PPARGC1A: variants seen among roughly 807,000 people sequenced by gnomAD.
PPARGC1A encodes the protein peroxisome proliferator-activated receptor gamma coactivator 1-alpha.
PPARGC1A carries 25 observed loss-of-function variants against 88.7 expected under a neutral mutation model. The observed-to-expected ratio is 0.28, with a 90% CI of 0.21 to 0.39. The LOEUF is 0.39. Among genes scored for constraint, PPARGC1A ranks in the 10% least tolerant of loss-of-function variants. PPARGC1A has a pLI of 1.00. For synonymous variants in PPARGC1A, 363 were observed against 355.6 expected (o/e 1.02, Z -0.24); for missense variants, 880 against 968.7 (o/e 0.91, Z 1.22).
the PPARGC1A span, among the ~76,000 whole-genome samples, chr4:24,431,928 C>A: frequency 7.2e-5 from 11 of 152,124 alleles, no homozygotes. Flanking sequence ...GAAAATAGGT[C>A]ATTAGATTTG....
chr4:24,265,723 C>T, the PPARGC1A span, among the ~76,000 whole-genome samples: 1,952 of 152,014 alleles, frequency 0.013, 42 homozygotes, highest in East Asian at 0.12. Context: ...ATACTAGATA[C>T]ACTGGAAGTG....
the PPARGC1A span, among the ~76,000 whole-genome samples, chr4:23,927,698 C>T: frequency 6.6e-6 from 1 of 152,188 alleles, no homozygotes; most frequent in African/African-American, 2.4e-5. Context: ...ACCATCTACA[C>T]AAACTAAGGC....
the PPARGC1A span, among the ~76,000 whole-genome samples, chr4:24,230,931 G>T: frequency 1.5e-5 from 2 of 135,202 alleles, no homozygotes; most frequent in African/African-American, 5.4e-5. Context: ...TAAGGAAACA[G>T]ACAGATCACA....
the PPARGC1A span, among the ~76,000 whole-genome samples, chr4:24,202,898 A>T: frequency 6.6e-6 from 1 of 152,166 alleles, no homozygotes; most frequent in African/African-American, 2.4e-5. Context: ...CCCAGGACAA[A>T]CAAGCTTTAA....
chr4:24,112,431 G>C, the PPARGC1A span, among the ~76,000 whole-genome samples: 2 of 152,086 alleles, frequency 1.3e-5, no homozygotes, highest in Admixed American at 1.3e-4. Context: ...AAAATGTGAA[G>C]CAGGCTGAAT....
At chr4:23,812,051 G>A (rs1191879863) in intron 10 of PPARGC1A, among the ~76,000 whole-genome samples, 1 of 151,172 alleles carries the variant, frequency 6.6e-6, no homozygotes, top group African/African-American at 2.4e-5. Context: ...CCTAGTAGCT[G>A]GTATTACAGG....
chr4:24,447,085 C>A, the PPARGC1A span, among the ~76,000 whole-genome samples: 1 of 152,276 alleles, frequency 6.6e-6, no homozygotes, highest in South Asian at 2.1e-4. Context: ...CCCTGGAATT[C>A]TCTAGAATTC....
intron 2 of PPARGC1A, among the ~76,000 whole-genome samples, chr4:23,874,173 G>A (rs566519730): frequency 7.9e-5 from 12 of 152,204 alleles, no homozygotes; most frequent in African/African-American, 2.4e-4. Flanking sequence ...TGAACTGATC[G>A]GTGTTACATA....
chr4:24,470,254 T>C, the PPARGC1A span, among the ~76,000 whole-genome samples: 11 of 137,708 alleles, frequency 8.0e-5, no homozygotes, highest in Admixed American at 7.4e-4. This position sits in a 1 kb window ranked among gnomAD's most constrained non-coding sequence, Gnocchi z 5.8. Context: ...CAGGGCTTGG[T>C]TTCTGACTCA....
At chr4:24,307,444 A>C in the PPARGC1A span, among the ~76,000 whole-genome samples, 1 of 152,252 alleles carries the variant, frequency 6.6e-6, no homozygotes, top group Non-Finnish European at 1.5e-5. Flanking sequence ...ATTTGTGTGA[A>C]CTGCACAATA....
At chr4:24,025,218 A>G in the PPARGC1A span, among the ~76,000 whole-genome samples, 17 of 152,134 alleles carry the variant, frequency 1.1e-4, no homozygotes, top group Non-Finnish European at 2.2e-4. Context: ...TCAGGTGCTC[A>G]TTGGGACGAA....
At chr4:23,875,136 C>T (rs536935186) in intron 2 of PPARGC1A, among the ~76,000 whole-genome samples, 1 of 152,132 alleles carries the variant, frequency 6.6e-6, no homozygotes, top group Non-Finnish European at 1.5e-5. Context: ...AAGTTAGTAT[C>T]CCTCAATAGG....
At chr4:24,436,965 G>A in the PPARGC1A span, among the ~76,000 whole-genome samples, 5 of 151,956 alleles carry the variant, frequency 3.3e-5, no homozygotes, top group Non-Finnish European at 5.9e-5. Context: ...CTGGCGGGCT[G>A]GCTCTAGGGA....
At chr4:23,827,611 CAA>C (rs1724196768) in intron 5 of PPARGC1A, among the ~76,000 whole-genome samples, 1 of 152,080 alleles carries the variant, frequency 6.6e-6, no homozygotes, top group Admixed American at 6.5e-5. Flanking sequence ...GTATCTCTGC[CAA>C]GAGAGGTTTT....
At chr4:24,469,744 C>T in the PPARGC1A span, among the ~76,000 whole-genome samples, 6 of 152,174 alleles carry the variant, frequency 3.9e-5, no homozygotes, top group Non-Finnish European at 8.8e-5. Context: ...TTTTCCACCT[C>T]AAGTTAAACT....
At chr4:24,269,386 T>C in the PPARGC1A span, among the ~76,000 whole-genome samples, 1 of 152,180 alleles carries the variant, frequency 6.6e-6, no homozygotes, top group Non-Finnish European at 1.5e-5. Context: ...ATTATCTCTA[T>C]AGAATGAACA....
chr4:24,378,494 T>G, the PPARGC1A span, among the ~76,000 whole-genome samples: 2 of 152,128 alleles, frequency 1.3e-5, no homozygotes, highest in Middle Eastern at 6.8e-3. Context: ...AAAAAAAACA[T>G]CATTCCTAAC....
chr4:23,923,406 T>C, the PPARGC1A span, among the ~76,000 whole-genome samples: 3 of 152,278 alleles, frequency 2.0e-5, no homozygotes, highest in South Asian at 6.2e-4. Flanking sequence ...TTTATTCACC[T>C]ATTCATTCAT....
At chr4:24,120,654 G>A in the PPARGC1A span, among the ~76,000 whole-genome samples, 4 of 152,266 alleles carry the variant, frequency 2.6e-5, no homozygotes, top group South Asian at 6.2e-4. Flanking sequence ...TGATGGTATT[G>A]GGAGGTGGGG....
Sources: allele counts gnomAD v4.1 joint callset (sites outside exome capture counted in the v4.1 genomes callset), GRCh38; gene constraint gnomAD v4.1.1; non-coding constraint Gnocchi (gnomAD v3.1); transcripts MANE v1.5; gene names NCBI Gene and HGNC (gene_info 2026-07-23, HGNC 2026-07-21).